NPAS3: variants seen among roughly 807,000 people sequenced by gnomAD.
NPAS3 encodes neuronal PAS domain-containing protein 3.
Under a neutral mutation model 73.1 loss-of-function variants are expected in NPAS3, and 14 were observed. The ratio of observed to expected loss-of-function variants is 0.19; its 90% CI spans 0.13 to 0.30. The LOEUF (loss-of-function observed/expected upper bound fraction) is 0.30. NPAS3 is among the 10% of genes least tolerant of loss of function. The probability of loss-of-function intolerance (pLI) is 1.00; values close to 1 mark genes in which losing one functional copy is unlikely to be tolerated. For missense variants in NPAS3, 1,096 were observed against 1,250.0 expected (o/e 0.88, Z 1.86); for synonymous variants, 620 against 541.5 (o/e 1.14, Z -2.01).
At chr14:33,077,366 G>C (rs980538218) in intron 2 of NPAS3, among the ~76,000 whole-genome samples, 5 of 152,128 alleles carry the variant, frequency 3.3e-5, no homozygotes, top group African/African-American at 1.2e-4. Flanking sequence ...TGACTGTATT[G>C]CCAGTGCTTG....
intron 5 of NPAS3, among the ~76,000 whole-genome samples, chr14:33,589,262 C>T (rs559918724): frequency 8.5e-5 from 13 of 152,252 alleles, no homozygotes; most frequent in South Asian, 4.2e-4. Context: ...AGACAAGAAC[C>T]GTCTCCCTGA....
At chr14:33,259,043 G>A (rs1192130154) in intron 3 of NPAS3, among the ~76,000 whole-genome samples, 1 of 152,152 alleles carries the variant, frequency 6.6e-6, no homozygotes, top group Admixed American at 6.5e-5. Flanking sequence ...TCGATCTCCT[G>A]ACCTCGTGAT....
intron 6 of NPAS3, among the ~76,000 whole-genome samples, chr14:33,679,860 G>GTACAGCAAACCCAAATAAATATTTTATAT (rs2059882952): frequency 1.3e-5 from 2 of 152,140 alleles, no homozygotes; most frequent in Non-Finnish European, 2.9e-5. Flanking sequence ...TCCATTGATT[G>GTACAGCAAACCCAAATAAATATTTTATAT]TACAGCAAAC....
chr14:33,758,492 G>A (rs141495681), intron 7 of NPAS3, among the ~76,000 whole-genome samples: 5 of 152,284 alleles, frequency 3.3e-5, no homozygotes, highest in East Asian at 1.9e-4. Flanking sequence ...GTAGCAGAGC[G>A]TTGACTCCTA....
chr14:33,401,152 G>A (rs1275939464), intron 4 of NPAS3, among the ~76,000 whole-genome samples: 1 of 152,090 alleles, frequency 6.6e-6, no homozygotes, highest in African/African-American at 2.4e-5. Flanking sequence ...CAAAAAACAG[G>A]CCTGTGCTGT....
chr14:33,408,085 G>A (rs191089797), intron 4 of NPAS3, among the ~76,000 whole-genome samples: 293 of 152,240 alleles, frequency 1.9e-3, no homozygotes, highest in African/African-American at 6.7e-3. Flanking sequence ...CACTTTGGAA[G>A]TACAATTCTT....
intron 4 of NPAS3, among the ~76,000 whole-genome samples, chr14:33,469,150 C>G (rs2050666079): frequency 6.6e-6 from 1 of 151,970 alleles, no homozygotes; most frequent in Admixed American, 6.6e-5. Flanking sequence ...CAAACTTTGC[C>G]CTTAGTCAAG....
chr14:33,309,307 C>G (rs968980090), intron 3 of NPAS3, among the ~76,000 whole-genome samples: 4 of 152,178 alleles, frequency 2.6e-5, no homozygotes, highest in African/African-American at 7.2e-5. Context: ...GCTCACTCAA[C>G]TGTATTTGAC....
intron 5 of NPAS3, among the ~76,000 whole-genome samples, chr14:33,567,946 G>A (rs1016441298): frequency 1.1e-4 from 16 of 152,206 alleles, no homozygotes; most frequent in African/African-American, 3.6e-4. Flanking sequence ...TGCACAGCGA[G>A]CTGTTCTTGT....
At chr14:33,540,461 G>GA in intron 4 of NPAS3, among the ~76,000 whole-genome samples, 1 of 152,250 alleles carries the variant, frequency 6.6e-6, no homozygotes, top group East Asian at 1.9e-4. Flanking sequence ...ACGCTGGGAA[G>GA]AAAAAACAAC....
intron 8 of NPAS3, among the ~76,000 whole-genome samples, chr14:33,777,144 T>C (rs1158902199): frequency 6.6e-6 from 1 of 152,160 alleles, no homozygotes; most frequent in Non-Finnish European, 1.5e-5. Context: ...AGCTGGCAAA[T>C]TTCAGAAACA....
intron 2 of NPAS3, among the ~76,000 whole-genome samples, chr14:33,153,121 G>T (rs956431126): frequency 6.6e-6 from 1 of 151,832 alleles, no homozygotes; most frequent in Non-Finnish European, 1.5e-5. Flanking sequence ...TGCAGATGCA[G>T]TTTCTGTTCT....
chr14:33,135,801 A>G (rs1303121462), intron 2 of NPAS3, among the ~76,000 whole-genome samples: 1 of 152,204 alleles, frequency 6.6e-6, no homozygotes, highest in African/African-American at 2.4e-5. Flanking sequence ...TTTAAAATGA[A>G]TGAGCTCAGC....
chr14:33,606,774 G>C (rs1183497023), intron 5 of NPAS3, among the ~76,000 whole-genome samples: 1 of 152,112 alleles, frequency 6.6e-6, no homozygotes, highest in Non-Finnish European at 1.5e-5. Context: ...AACTTCTACT[G>C]TTCAACAGTC....
chr14:33,461,871 C>T (rs1002393534), intron 4 of NPAS3, among the ~76,000 whole-genome samples: 1 of 152,216 alleles, frequency 6.6e-6, no homozygotes, highest in African/African-American at 2.4e-5. Flanking sequence ...CACTCAGTTT[C>T]ATCACTTGTG....
At chr14:33,019,547 G>A (rs527736119) in intron 1 of NPAS3, among the ~76,000 whole-genome samples, 1 of 152,262 alleles carries the variant, frequency 6.6e-6, no homozygotes, top group Admixed American at 6.5e-5. Flanking sequence ...TTATTTTAAG[G>A]TTTAGATAAA....
chr14:32,939,136 GCCGC>G (rs2035845959), upstream of NPAS3: 1 of 146,564 alleles, frequency 6.8e-6, no homozygotes, highest in Non-Finnish European at 1.4e-5. Flanking sequence ...CGCCGCCGCC[GCCGC>G]CACGGCCACG....
rs542886734 is a variant in NPAS3, at chr14:33,294,829, T to C, written c.386-72357T>C. Among the ~76,000 whole-genome samples the C allele has an allele frequency of 2.0e-5, 3 of 152,300 alleles. No individual in the cohort carries two copies. The South Asian group carries it at 6.2e-4, about 32-fold the overall frequency. On this transcript the variant is annotated intron_variant, in intron 3 of 11. Transcript: ENST00000356141. Reference sequence around the variant, plus strand: ...AACTGGAAAGTGAGGGAGAGAGCTTTGGCAGATATCAGTGATGAGCATGAC... The same window carrying C: ...AACTGGAAAGTGAGGGAGAGAGCTTCGGCAGATATCAGTGATGAGCATGAC...
chr14:33,109,881 C>T (rs2042836255), intron 2 of NPAS3, among the ~76,000 whole-genome samples: 1 of 134,016 alleles, frequency 7.5e-6, no homozygotes. Context: ...CACTTCACTG[C>T]AAACTCTGCC....
Sources: allele counts gnomAD v4.1 joint callset (sites outside exome capture counted in the v4.1 genomes callset), GRCh38; gene constraint gnomAD v4.1.1; transcripts MANE v1.5; gene names NCBI Gene and HGNC (gene_info 2026-07-23, HGNC 2026-07-21).